The following POLA1 variants were observed in gnomAD, a reference collection of about 807,000 sequenced individuals.
The protein encoded by POLA1 is DNA polymerase alpha catalytic subunit.
Under a neutral mutation model 124.0 loss-of-function variants are expected in POLA1, and 15 were observed. That is an observed-to-expected ratio of 0.12 (90% CI 0.08 to 0.19). The LOEUF is 0.19. Among genes scored for constraint, POLA1 ranks in the 10% least tolerant of loss-of-function variants. The pLI is 1.00. For missense variants in POLA1, 886 were observed against 1,103.4 expected (o/e 0.80, Z 2.79); for synonymous variants, 408 against 389.4 (o/e 1.05, Z -0.56).
At chrX:24,990,811 A>C (rs2048526990) in intron 36 of POLA1, among the ~76,000 whole-genome samples, 1 of 111,853 alleles carries the variant, frequency 8.9e-6, no homozygotes, top group Admixed American at 9.5e-5. Flanking sequence ...CTGGGAGCCG[A>C]GGTTAGTCAG....
At chrX:24,985,712 G>A (rs182589747) in intron 36 of POLA1, among the ~76,000 whole-genome samples, 84 of 112,379 alleles carry the variant, frequency 7.5e-4, no homozygotes, top group African/African-American at 2.4e-3. Flanking sequence ...GCATTTCAGA[G>A]TTCAGATTTT....
chrX:24,950,380 T>G (rs1371072322), intron 36 of POLA1, among the ~76,000 whole-genome samples: 1 of 112,192 alleles, frequency 8.9e-6, no homozygotes, highest in African/African-American at 3.2e-5. Context: ...TTACTTAGTT[T>G]TAATTAATTT....
intron 32 of POLA1, among the ~76,000 whole-genome samples, chrX:24,833,996 G>A (rs775371635): frequency 1.3e-4 from 14 of 109,538 alleles, no homozygotes; most frequent in African/African-American, 4.7e-4. Context: ...GAGGTGGGAG[G>A]ATCACTTAAG....
intron 26 of POLA1, among the ~76,000 whole-genome samples, chrX:24,793,388 T>C (rs1488145721): frequency 9.1e-6 from 1 of 109,948 alleles, no homozygotes; most frequent in Admixed American, 9.7e-5. Context: ...TCAAAACTGC[T>C]TTTTTTGTTT....
chrX:24,888,609 T>G (rs12394118), intron 35 of POLA1, among the ~76,000 whole-genome samples: 20,790 of 92,679 alleles, frequency 0.22, 2,366 homozygotes, highest in Non-Finnish European at 0.34. Context: ...TGTTTTTTTT[T>G]TTTTTTTTTT....
intron 26 of POLA1, among the ~76,000 whole-genome samples, chrX:24,777,127 A>G (rs1251457616): frequency 8.9e-6 from 1 of 112,346 alleles, no homozygotes; most frequent in Non-Finnish European, 1.9e-5. Flanking sequence ...GCAGACTTAC[A>G]TACAGTTTTA....
intron 36 of POLA1, among the ~76,000 whole-genome samples, chrX:24,968,560 G>A (rs963846409): frequency 3.3e-4 from 36 of 109,985 alleles, no homozygotes; most frequent in Non-Finnish European, 5.5e-4. Context: ...TTAGCTGGGC[G>A]TGCGTGGTGG....
At chrX:24,943,659 G>C (rs2047931342) in intron 36 of POLA1, among the ~76,000 whole-genome samples, 1 of 112,494 alleles carries the variant, frequency 8.9e-6, no homozygotes, top group Non-Finnish European at 1.9e-5. Flanking sequence ...ATAAGCCGCA[G>C]TAAATTTATC....
intron 36 of POLA1, among the ~76,000 whole-genome samples, chrX:24,930,908 T>C (rs1227354798): frequency 1.8e-5 from 2 of 112,242 alleles, no homozygotes; most frequent in Non-Finnish European, 3.8e-5. Flanking sequence ...AAACCAGATA[T>C]TACTGCAAAA....
At chrX:24,972,078 C>A (rs916560993) in intron 36 of POLA1, among the ~76,000 whole-genome samples, 2 of 110,413 alleles carry the variant, frequency 1.8e-5, no homozygotes, top group Admixed American at 9.8e-5. Context: ...AAGCGATTCT[C>A]CTGCCTCAGC....
At chrX:24,768,375 G>A (rs913528369) in intron 26 of POLA1, among the ~76,000 whole-genome samples, 3 of 111,780 alleles carry the variant, frequency 2.7e-5, no homozygotes, top group Non-Finnish European at 3.8e-5. Context: ...TCTTTCTGTC[G>A]TATGTATTTT....
chrX:24,781,037 T>C (rs1002738601), intron 26 of POLA1, among the ~76,000 whole-genome samples: 3 of 112,734 alleles, frequency 2.7e-5, no homozygotes, highest in Admixed American at 9.4e-5. Flanking sequence ...TATAATAGTT[T>C]GTGTCTTTCA....
intron 36 of POLA1, among the ~76,000 whole-genome samples, chrX:24,933,033 C>A (rs1260611856): frequency 2.7e-5 from 3 of 111,745 alleles, no homozygotes; most frequent in African/African-American, 9.8e-5. Context: ...ATCCATAGAT[C>A]CTATGTCCAC....
At chrX:24,724,225 T>G (rs1198477878) in intron 11 of POLA1, 110 bp from the exon 12 acceptor site, 3 of 445,945 alleles carry the variant, frequency 6.7e-6, no homozygotes, top group Non-Finnish European at 1.2e-5. Context: ...ATTAAATGTT[T>G]AAATGGGTGA....
At chrX:24,810,043 A>G (rs1255065518) in intron 27 of POLA1, 113 bp downstream of exon 27, 2 of 473,589 alleles carry the variant, frequency 4.2e-6, no homozygotes, top group Non-Finnish European at 7.2e-6. Context: ...TAGGTTGCCT[A>G]GTTTAACATT....
At chrX:24,889,989 A>G in intron 35 of POLA1, among the ~76,000 whole-genome samples, 1 of 111,128 alleles carries the variant, frequency 9.0e-6, no homozygotes, top group Non-Finnish European at 1.9e-5. Context: ...ATCCATATGT[A>G]TTTTTTTACA....
intron 33 of POLA1, 122 bp downstream of exon 33, chrX:24,841,952 A>G (rs931046733): frequency 4.3e-6 from 2 of 468,047 alleles, no homozygotes; most frequent in Non-Finnish European, 7.1e-6. Context: ...CATGTGTTTA[A>G]AGAATTTTAG....
intron 5 of POLA1, 103 bp from the exon 6 acceptor site, chrX:24,715,038 G>C: frequency 1.8e-6 from 1 of 565,260 alleles, no homozygotes; most frequent in Non-Finnish European, 3.0e-6. Context: ...GAAGAGGCAA[G>C]GACTAACTGG....
chrX:24,827,521 T>C (rs1296488031), intron 32 of POLA1, among the ~76,000 whole-genome samples: 3 of 112,431 alleles, frequency 2.7e-5, no homozygotes, highest in Admixed American at 1.9e-4. Flanking sequence ...TTATTTCTTA[T>C]TCAGTCTACG....
Sources: allele counts gnomAD v4.1 joint callset (sites outside exome capture counted in the v4.1 genomes callset), GRCh38; gene constraint gnomAD v4.1.1; transcripts MANE v1.5; gene names NCBI Gene and HGNC (gene_info 2026-07-23, HGNC 2026-07-21).